The following HMGB1 variants were observed in gnomAD, a reference collection of about 807,000 sequenced individuals.
HMGB1 encodes the protein high mobility group box 1, also known as high mobility group protein B1.
For missense variants in HMGB1, 79 were observed against 253.5 expected, an observed-to-expected ratio of 0.31 and a Z score of 4.67; for synonymous variants, 81 against 84.0, an observed-to-expected ratio of 0.96 and a Z score of 0.19.
chr13:30,503,132 C>T (rs980254675), intron 1 of HMGB1, among the ~76,000 whole-genome samples: 2 of 150,958 alleles, frequency 1.3e-5, no homozygotes, highest in South Asian at 2.1e-4. Flanking sequence ...GTCAGGAGAT[C>T]GAGACCATCC....
chr13:30,594,772 T>C lies in HMGB1; in HGVS notation c.-15+21899A>G, dbSNP rs112424594. 8.3e-3 allele frequency among the ~76,000 whole-genome samples: 1,270 copies of C among 152,340 alleles called. 15 individuals are homozygous for C. The highest frequency in any genetic ancestry group is 0.028 in the African/African-American group (1,153 of 41,576). ...TAATGGGATTGCTAGCTCAGATAAG[T>C]ATTTCTATTTTTAGTTGCTCTCCAC... On this transcript the variant is annotated intron_variant, in intron 1 of 4. Transcript: ENST00000405805.
At chr13:30,517,609 G>A (rs1440224458) in intron 1 of HMGB1, among the ~76,000 whole-genome samples, 2 of 152,152 alleles carry the variant, frequency 1.3e-5, no homozygotes, top group East Asian at 1.9e-4. Context: ...GGCCAGGCTC[G>A]AACTCCTGAC....
intron 1 of HMGB1, among the ~76,000 whole-genome samples, chr13:30,477,132 C>T (rs1351679984): frequency 6.6e-6 from 1 of 152,174 alleles, no homozygotes; most frequent in African/African-American, 2.4e-5. Flanking sequence ...ATATGCATCA[C>T]AGCCCCATAG....
intron 1 of HMGB1, among the ~76,000 whole-genome samples, chr13:30,616,294 A>G (rs924470577): frequency 2.0e-5 from 3 of 152,232 alleles, no homozygotes; most frequent in Non-Finnish European, 2.9e-5. Flanking sequence ...TCTTCTGAAA[A>G]AATACCAAAT....
chr13:30,491,396 C>G (rs1299772674), intron 1 of HMGB1, among the ~76,000 whole-genome samples: 1 of 152,108 alleles, frequency 6.6e-6, no homozygotes, highest in East Asian at 1.9e-4. Context: ...AAGAAACAAA[C>G]CTTGAGGCTG....
At chr13:30,561,559 GAA>G (rs534997953) in intron 1 of HMGB1, among the ~76,000 whole-genome samples, 13 of 152,050 alleles carry the variant, frequency 8.5e-5, no homozygotes, top group African/African-American at 3.1e-4. Flanking sequence ...CCTGTTGCGA[GAA>G]AAAAAGTCAG....
intron 1 of HMGB1, among the ~76,000 whole-genome samples, chr13:30,535,907 A>C (rs1201197020): frequency 1.3e-5 from 2 of 152,212 alleles, no homozygotes; most frequent in Non-Finnish European, 2.9e-5. Flanking sequence ...AAACTGAAAC[A>C]AAAATAAACC....
At chr13:30,535,748 G>C (rs1473876065) in intron 1 of HMGB1, among the ~76,000 whole-genome samples, 1 of 152,184 alleles carries the variant, frequency 6.6e-6, no homozygotes, top group Non-Finnish European at 1.5e-5. Flanking sequence ...AAATTAGCCA[G>C]GCGTGGTGCC....
At chr13:30,465,472 C>T (rs927542733) in intron 1 of HMGB1, among the ~76,000 whole-genome samples, 2 of 147,764 alleles carry the variant, frequency 1.4e-5, no homozygotes, top group Admixed American at 6.7e-5. Flanking sequence ...CCCGAGGGCC[C>T]AAAACACGTT....
rs1171119586 is a variant in HMGB1, at chr13:30,471,654, C to CTTTTT, written c.-14-7965_-14-7961dup. Among the ~76,000 whole-genome samples the CTTTTT allele has an allele frequency of 7.2e-4, 22 of 30,616 alleles. 1 individual carries two copies. The highest frequency in any genetic ancestry group is 2.6e-3 in the East Asian group (2 of 784). The allele number at this position is 30,616 out of a possible 152,430, so 20.1% of individuals were successfully genotyped here. ...ACAGGCATGAGCCACCGTGCCCGGCCTTTTTTTTTTTTTTTTTTTTTTTTT... is the reference window on the plus strand; with the variant it reads ...ACAGGCATGAGCCACCGTGCCCGGCCTTTTTTTTTTTTTTTTTTTTTTTTTTTTTT... On this transcript the variant is annotated intron_variant, in intron 1 of 4. Coordinates refer to the HMGB1 transcript ENST00000405805.
Position 30,458,365 on chromosome 13 carries a change from T to C in HMGB1, c.*2992A>G, listed in dbSNP as rs2137380681. ...TTTTTTTTGAGATGGAGTCTTGCTC[T>C]GTCACCCAGGCTGGAGTGCAGTGGC... On this transcript the variant is annotated 3_prime_UTR_variant, in exon 5 of 5. Transcript: ENST00000341423. 6.8e-6 allele frequency: 1 copy of C among 146,526 alleles called. No individual in the cohort carries two copies. Among genetic ancestry groups the C allele is most frequent in the South Asian group, 2.2e-4 (1 of 4,626 alleles). The allele number at this position is 146,526 out of a possible 1,614,324, so 9.1% of individuals were successfully genotyped here.
chr13:30,546,468 G>A (rs1261658832), intron 1 of HMGB1, among the ~76,000 whole-genome samples: 1 of 152,090 alleles, frequency 6.6e-6, no homozygotes, highest in Non-Finnish European at 1.5e-5. Context: ...CTGTTGAGGA[G>A]GGAATCTGGA....
At chr13:30,511,690 G>T (rs141638857) in intron 1 of HMGB1, among the ~76,000 whole-genome samples, 1 of 152,162 alleles carries the variant, frequency 6.6e-6, no homozygotes, top group East Asian at 1.9e-4. Context: ...CTTAGGCTGG[G>T]CCTTGCATGT....
chr13:30,603,861 T>C (rs1342843380), intron 1 of HMGB1, among the ~76,000 whole-genome samples: 1 of 152,182 alleles, frequency 6.6e-6, no homozygotes, highest in Non-Finnish European at 1.5e-5. Context: ...TAGGGAATAA[T>C]GACAAGGAAA....
chr13:30,468,312 G>A (rs1402309050), upstream of HMGB1, among the ~76,000 whole-genome samples: 7 of 152,084 alleles, frequency 4.6e-5, no homozygotes, highest in African/African-American at 1.7e-4. Flanking sequence ...CTGGAGTGCA[G>A]CGGTGCAATC....
intron 1 of HMGB1, among the ~76,000 whole-genome samples, chr13:30,518,238 A>G (rs1438536081): frequency 6.6e-6 from 1 of 152,162 alleles, no homozygotes; most frequent in Non-Finnish European, 1.5e-5. Context: ...TTGAGATGCC[A>G]AGGTAGGAAG....
chr13:30,565,339 G>C (rs986268671), intron 1 of HMGB1, among the ~76,000 whole-genome samples: 11 of 152,162 alleles, frequency 7.2e-5, no homozygotes, highest in African/African-American at 2.7e-4. Flanking sequence ...CTCCTAGTGA[G>C]CTGTCAAGGG....
chr13:30,526,778 C>T (rs1275108698), intron 1 of HMGB1, among the ~76,000 whole-genome samples: 1 of 152,232 alleles, frequency 6.6e-6, no homozygotes. Flanking sequence ...CCTCTGTCGC[C>T]AAAGCTCCTC....
chr13:30,464,075 C>A (rs573128800), intron 1 of HMGB1: 1 of 982,768 alleles, frequency 1.0e-6, no homozygotes, highest in Admixed American at 6.1e-5. Flanking sequence ...GCTGCCAATT[C>A]GTGGCTTTGC....
Sources: allele counts gnomAD v4.1 joint callset (sites outside exome capture counted in the v4.1 genomes callset), GRCh38; gene constraint gnomAD v4.1.1; transcripts MANE v1.5; gene names NCBI Gene and HGNC (gene_info 2026-07-23, HGNC 2026-07-21).